Variants in HHLA2 observed in about 807,000 individuals in gnomAD.
HHLA2 encodes the protein HHLA2 member of B7 family.
A neutral mutation model predicts 45.9 loss-of-function variants in HHLA2; 48 were observed. The observed-to-expected ratio is 1.05, with a 90% confidence interval of 0.83 to 1.33. HHLA2 has a LOEUF of 1.33. Among genes scored for constraint, HHLA2 ranks in the 40% most tolerant of loss-of-function variants. The pLI, the probability that HHLA2 is intolerant of heterozygous loss-of-function variation, is 0.00. For synonymous variants in HHLA2, 161 were observed against 173.9 expected (o/e 0.93, Z 0.59); for missense variants, 462 against 494.3 (o/e 0.93, Z 0.62).
chr3:108,326,742 T>C (rs1332869588), intron 2 of HHLA2: 2 of 152,380 alleles, frequency 1.3e-5, no homozygotes, highest in African/African-American at 2.4e-5. Context: ...TCATCAGTTA[T>C]TTCAAAGATC....
rs776212573 is a variant in HHLA2, at chr3:108,355,346, T to C, written c.650T>C (p.Leu217Pro). Reference sequence around the variant, plus strand: ...GAATGTACAATTGAAAATTCACTGCTGAAGCAAACATGGACAGGGCGCTGG... The same window carrying C: ...GAATGTACAATTGAAAATTCACTGCCGAAGCAAACATGGACAGGGCGCTGG... Residue 217 changes from leucine (L) to proline (P), a missense_variant, in exon 6 of 11, where the codon CTG (leucine) becomes CCG (proline). Transcript: ENST00000619531. The C allele has an allele frequency of 4.3e-6, 7 of 1,613,858 alleles. No homozygotes were observed. In the South Asian group the frequency reaches 7.7e-5, roughly 18 times the overall value.
chr3:108,375,694 G>T, intron 8 of HHLA2, 56 bp from the exon 8 acceptor site: 1 of 1,580,820 alleles, frequency 6.3e-7, no homozygotes, highest in Non-Finnish European at 8.6e-7. Flanking sequence ...ACCTTACAGG[G>T]AAACAGCTGG....
chr3:108,358,277 T>C (rs2081933112), intron 7 of HHLA2, 116 bp downstream of exon 6: 1 of 680,502 alleles, frequency 1.5e-6, no homozygotes, highest in Non-Finnish European at 2.4e-6. Context: ...TCTCAAAATA[T>C]AATCCACAGG....
chr3:108,359,476 C>G (rs1271007065), intron 7 of HHLA2, among the ~76,000 whole-genome samples: 1 of 152,094 alleles, frequency 6.6e-6, no homozygotes, highest in Non-Finnish European at 1.5e-5. Flanking sequence ...GATGACTTTT[C>G]CATTTGTTGC....
chr3:108,376,417 T>A (rs2082275631), intron 9 of HHLA2, 76 bp from the exon 9 acceptor site: 1 of 1,090,344 alleles, frequency 9.2e-7, no homozygotes, highest in South Asian at 1.6e-5. Context: ...AACATGATTA[T>A]ATTGAGATAG....
chr3:108,349,834 G>A (rs2081744797), intron 3 of HHLA2, among the ~76,000 whole-genome samples: 1 of 152,188 alleles, frequency 6.6e-6, no homozygotes, highest in Non-Finnish European at 1.5e-5. Context: ...GCATCAGCTG[G>A]AAAAGAGATG....
chr3:108,355,784 A>G (rs1311245359), intron 6 of HHLA2, among the ~76,000 whole-genome samples: 1 of 152,214 alleles, frequency 6.6e-6, no homozygotes, highest in Non-Finnish European at 1.5e-5. Context: ...TCAGCAGATC[A>G]CAACTTCCAA....
intron 2 of HHLA2, among the ~76,000 whole-genome samples, chr3:108,314,354 A>C: frequency 6.6e-6 from 1 of 151,740 alleles, no homozygotes; most frequent in East Asian, 1.9e-4. Flanking sequence ...AAAAAAAAAA[A>C]AAATTCCTAC....
intron 8 of HHLA2, among the ~76,000 whole-genome samples, chr3:108,363,813 A>C (rs2082018138): frequency 6.6e-6 from 1 of 152,192 alleles, no homozygotes; most frequent in Non-Finnish European, 1.5e-5. Flanking sequence ...TGGCACACTC[A>C]AAACTGGATA....
At chr3:108,310,954 G>A (rs537527212) in intron 2 of HHLA2, among the ~76,000 whole-genome samples, 1 of 152,184 alleles carries the variant, frequency 6.6e-6, no homozygotes, top group African/African-American at 2.4e-5. Context: ...TCTGGTAGAG[G>A]GTTGTAACTT....
At chr3:108,303,413 A>G (rs2080880329) in intron 1 of HHLA2, among the ~76,000 whole-genome samples, 1 of 152,154 alleles carries the variant, frequency 6.6e-6, no homozygotes, top group Non-Finnish European at 1.5e-5. Context: ...GTACTTTGCT[A>G]GCTCTACATT....
intron 2 of HHLA2, among the ~76,000 whole-genome samples, chr3:108,314,073 G>A (rs555962156): frequency 1.4e-4 from 21 of 152,164 alleles, no homozygotes; most frequent in African/African-American, 3.6e-4. Context: ...AGTACACACC[G>A]TGATGTCGCA....
chr3:108,365,575 A>G (rs2082050222), intron 8 of HHLA2, among the ~76,000 whole-genome samples: 1 of 152,184 alleles, frequency 6.6e-6, no homozygotes, highest in Non-Finnish European at 1.5e-5. Context: ...GAATCTATAA[A>G]TTACTTTGGG....
At chr3:108,336,432 T>G (rs1337191437) in intron 3 of HHLA2, among the ~76,000 whole-genome samples, 1 of 152,160 alleles carries the variant, frequency 6.6e-6, no homozygotes, top group African/African-American at 2.4e-5. Flanking sequence ...TTCCCAAAAT[T>G]TTTACTTGCT....
At chr3:108,355,429 G>A (rs745569888) in intron 6 of HHLA2, 48 bp downstream of exon 5, 1 of 1,555,180 alleles carries the variant, frequency 6.4e-7, no homozygotes, top group Non-Finnish European at 8.7e-7. Flanking sequence ...TCAAAGTTGG[G>A]GGGTAATGGG....
rs970983927 is a variant in HHLA2, at chr3:108,301,744, A to G, written c.-192+5145A>G. On this transcript the variant is annotated intron_variant, in intron 1 of 10. Coordinates refer to ENST00000619531, the Ensembl canonical transcript of HHLA2. ...TACCCCTTTCTCCCTCAACTCAAGC[A>G]GCCTCAAGGTCATCTTGCCTCCTCC... Among the ~76,000 whole-genome samples the G allele has an allele frequency of 3.3e-5, 5 of 152,300 alleles. No individual in the cohort carries two copies. The East Asian group carries it at 9.7e-4, about 29-fold the overall frequency.
intron 1 of HHLA2, among the ~76,000 whole-genome samples, chr3:108,306,800 G>GTA (rs147534057): frequency 0.012 from 1,810 of 151,138 alleles, 36 homozygotes; most frequent in African/African-American, 0.04. Flanking sequence ...CTTTTCCATT[G>GTA]TATATATATA....
chr3:108,362,068 T>C (rs1239053655), intron 7 of HHLA2, among the ~76,000 whole-genome samples: 1 of 152,206 alleles, frequency 6.6e-6, no homozygotes, highest in East Asian at 1.9e-4. Flanking sequence ...AATAATATTA[T>C]GGTATCTGTA....
At chr3:108,304,658 G>C (rs1277084490) in intron 1 of HHLA2, among the ~76,000 whole-genome samples, 1 of 152,180 alleles carries the variant, frequency 6.6e-6, no homozygotes, top group Admixed American at 6.5e-5. Flanking sequence ...AGGACTTTCA[G>C]GGCTTCAGCA....
Sources: gnomAD v4.1 joint callset for allele counts (sites outside exome capture counted in the v4.1 genomes callset) on GRCh38, gnomAD v4.1.1 for gene constraint, MANE v1.5 for transcripts, NCBI Gene and HGNC (gene_info 2026-07-23, HGNC 2026-07-21) for gene names.